Variants in GRAMD1B observed in about 807,000 individuals in gnomAD.
GRAMD1B encodes GRAM domain containing 1B.
Under a neutral mutation model 99.7 loss-of-function variants are expected in GRAMD1B, and 37 were observed. The observed-to-expected ratio is 0.37, with a 90% confidence interval of 0.29 to 0.49. The LOEUF (loss-of-function observed/expected upper bound fraction) is 0.49, where lower values mean the gene tolerates loss of function less well. GRAMD1B is among the 20% of genes least tolerant of loss of function. GRAMD1B has a pLI of 0.98. For synonymous variants in GRAMD1B, 427 were observed against 387.6 expected (o/e 1.10, Z -1.19); for missense variants, 888 against 1,009.2 (o/e 0.88, Z 1.63).
intron 4 of GRAMD1B, among the ~76,000 whole-genome samples, chr11:123,588,722 A>T (rs73029826): frequency 0.26 from 39,043 of 152,074 alleles, 5,828 homozygotes; most frequent in South Asian, 0.41. Context: ...CGCCAAGCAT[A>T]TAGAATCAGG....
At chr11:123,506,732 A>T (rs1190861533) in intron 2 of GRAMD1B, among the ~76,000 whole-genome samples, 1 of 151,946 alleles carries the variant, frequency 6.6e-6, no homozygotes. Flanking sequence ...TATTTAGACA[A>T]CCTGAATTAG....
At chr11:123,560,066 C>CT (rs1491426664) in intron 2 of GRAMD1B, among the ~76,000 whole-genome samples, 2 of 37,936 alleles carry the variant, frequency 5.3e-5, no homozygotes, top group Non-Finnish European at 9.6e-5. Flanking sequence ...GAGGAAATAA[C>CT]CCCCCCCCCC....
At chr11:123,594,940 T>A in intron 6 of GRAMD1B, 102 bp downstream of exon 6, 1 of 696,812 alleles carries the variant, frequency 1.4e-6, no homozygotes, top group South Asian at 1.6e-5. Flanking sequence ...TTCCCAAGCC[T>A]TTGCGTAATT....
intron 1 of GRAMD1B, among the ~76,000 whole-genome samples, chr11:123,375,416 A>C (rs1414780824): frequency 6.6e-6 from 1 of 152,058 alleles, no homozygotes; most frequent in Non-Finnish European, 1.5e-5. Context: ...AAAAAGAGAG[A>C]GAGACAAGCA....
Position 123,605,381 on chromosome 11 carries a change from G to A in GRAMD1B, c.1226G>A (p.Ser409Asn), listed in dbSNP as rs752494131. 1 of 1,613,246 alleles carries A rather than the reference G, an allele frequency of 6.2e-7. No homozygotes were observed. The highest frequency in any genetic ancestry group is 1.7e-5 in the Admixed American group (1 of 59,982). ...NEVNDSSSKS[S>N]IETKPDASPQ... ...GTGAATGACAGCTCATCCAAGAGCA[G>A]CATAGAGACCAAGCCAGATGCCAGT... Residue 409 changes from serine to asparagine, a missense_variant, in exon 10 of 20, where the codon AGC becomes AAC. Physicochemically the swap from Ser to Asn is conservative, Grantham distance 46. Coordinates refer to ENST00000635736, the MANE Select transcript of GRAMD1B (RefSeq NM_001387025.1).
At chr11:123,600,036 A>C (rs1951759833) in intron 7 of GRAMD1B, among the ~76,000 whole-genome samples, 1 of 152,236 alleles carries the variant, frequency 6.6e-6, no homozygotes, top group African/African-American at 2.4e-5. Context: ...CATGTAGATT[A>C]GTGCCTAATA....
intron 1 of GRAMD1B, among the ~76,000 whole-genome samples, chr11:123,457,505 A>G (rs2134443467): frequency 6.6e-6 from 1 of 152,314 alleles, no homozygotes; most frequent in Non-Finnish European, 1.5e-5. Flanking sequence ...GCTTAGCGTC[A>G]TGGGACTTTT....
At chr11:123,420,713 A>G (rs1466313618) in intron 1 of GRAMD1B, among the ~76,000 whole-genome samples, 1 of 152,198 alleles carries the variant, frequency 6.6e-6, no homozygotes, top group African/African-American at 2.4e-5. Context: ...CTGAATGTGT[A>G]TTTTACAGAA....
chr11:123,417,189 A>G (rs61306487), intron 1 of GRAMD1B, among the ~76,000 whole-genome samples: 19,381 of 152,212 alleles, frequency 0.13, 1,406 homozygotes, highest in Middle Eastern at 0.22. Flanking sequence ...TCTGGCCAAC[A>G]TGGTGAAACC....
rs192214266 is a variant in GRAMD1B, at chr11:123,439,126, G to A, written c.374+7960G>A. Among the ~76,000 whole-genome samples, 236 of 152,314 alleles carry A rather than the reference G, an allele frequency of 1.5e-3. 3 individuals are homozygous for A. In the South Asian group the frequency reaches 0.027, roughly 17 times the overall value. ...GAGGGACATAGCTTCTTATTGTCTT[G>A]GGGGGTGGGAATCTATGAGCTCTTC... is the stretch of plus-strand genomic sequence containing the variant. On this transcript the variant is annotated intron_variant, in intron 1 of 19. Coordinates refer to ENST00000635736, the MANE Select transcript of GRAMD1B (RefSeq NM_001387025.1).
intron 14 of GRAMD1B, among the ~76,000 whole-genome samples, chr11:123,611,353 A>T (rs957968390): frequency 2.6e-5 from 4 of 151,984 alleles, no homozygotes; most frequent in African/African-American, 7.2e-5. Flanking sequence ...AGGATTGCTT[A>T]AGCCCAGGAG....
chr11:123,608,385 T>C (rs749329999), intron 11 of GRAMD1B: 46 of 952,262 alleles, frequency 4.8e-5, no homozygotes, highest in Non-Finnish European at 6.6e-5. Flanking sequence ...GGTTTGAAAG[T>C]GTAAAAGCAA....
intron 17 of GRAMD1B, among the ~76,000 whole-genome samples, chr11:123,616,511 A>G (rs1270351622): frequency 1.3e-5 from 2 of 152,270 alleles, no homozygotes; most frequent in African/African-American, 4.8e-5. Context: ...CTTTAAGTAG[A>G]GAAGGCCTGC....
At chr11:123,556,320 A>G (rs1445506249) in intron 2 of GRAMD1B, among the ~76,000 whole-genome samples, 1 of 152,264 alleles carries the variant, frequency 6.6e-6, no homozygotes, top group Non-Finnish European at 1.5e-5. Flanking sequence ...TTTTATTAGT[A>G]TGCAGGTGGG....
intron 2 of GRAMD1B, among the ~76,000 whole-genome samples, chr11:123,485,767 A>G (rs1448154880): frequency 7.0e-6 from 1 of 143,810 alleles, no homozygotes; most frequent in Non-Finnish European, 1.5e-5. Flanking sequence ...CCCAGGGTGG[A>G]ATAGTGGCAT....
chr11:123,600,822 A>G lies in GRAMD1B; in HGVS notation c.1050+274A>G, dbSNP rs568530355. Reference sequence around the variant, plus strand: ...TAATGCATGCAGCCCTGAAGAAAGAAGTCCTTAAATTCACAGACCCCCAGA... The same window carrying G: ...TAATGCATGCAGCCCTGAAGAAAGAGGTCCTTAAATTCACAGACCCCCAGA... On this transcript the variant is annotated intron_variant, in intron 8 of 19. Transcript: ENST00000635736. Among the ~76,000 whole-genome samples, 162 of 152,328 alleles carry G rather than the reference A, an allele frequency of 1.1e-3. 1 individual carries two copies. Among genetic ancestry groups the G allele is most frequent in the African/African-American group, 3.8e-3 (159 of 41,584 alleles).
chr11:123,394,148 G>A (rs78392376), intron 1 of GRAMD1B, among the ~76,000 whole-genome samples: 2 of 152,238 alleles, frequency 1.3e-5, no homozygotes, highest in African/African-American at 2.4e-5. Flanking sequence ...TAGCAATTAC[G>A]CATGAACCAG....
At chr11:123,537,877 A>G (rs545648343) in intron 2 of GRAMD1B, among the ~76,000 whole-genome samples, 15 of 152,202 alleles carry the variant, frequency 9.9e-5, no homozygotes, top group Non-Finnish European at 1.8e-4. Context: ...GTGTGCAGCT[A>G]TAGAACTGGT....
In GRAMD1B at chr11:123,624,741, A is replaced by G. The variant is rs1309985688; in HGVS notation, c.*2146A>G. 1.3e-5 allele frequency: 2 copies of G among 152,242 alleles called. No individual in the cohort carries two copies. Among genetic ancestry groups the G allele is most frequent in the Non-Finnish European group, 2.9e-5 (2 of 68,044 alleles). The allele number at this position is 152,242 out of a possible 1,614,324, so 9.4% of individuals were successfully genotyped here. ...ACTTGTAGATTCCTGAATTTATTCC[A>G]TACATAATTATTTCCTTAAGTTATT... On this transcript the variant is annotated 3_prime_UTR_variant, in exon 20 of 20. Transcript: ENST00000635736.
Sources: allele counts gnomAD v4.1 joint callset (sites outside exome capture counted in the v4.1 genomes callset), GRCh38; gene constraint gnomAD v4.1.1; transcripts MANE v1.5; gene names NCBI Gene and HGNC (gene_info 2026-07-23, HGNC 2026-07-21).